Variants in SGCZ observed in about 807,000 individuals in gnomAD.
The protein encoded by SGCZ is sarcoglycan zeta, also known as zeta-sarcoglycan.
In SGCZ, 40 loss-of-function variants were observed where a neutral mutation model predicts 41.3. The ratio of observed to expected loss-of-function variants is 0.97; its 90% CI spans 0.75 to 1.26. The LOEUF (loss-of-function observed/expected upper bound fraction) is 1.26. SGCZ is among the 50% of genes most tolerant of loss of function. The pLI, the probability that SGCZ is intolerant of heterozygous loss-of-function variation, is 0.00. For synonymous variants in SGCZ, 206 were observed against 137.5 expected (o/e 1.50, Z -3.49); for missense variants, 552 against 369.8 (o/e 1.49, Z -4.04).
chr8:14,118,284 A>G (rs1259082650), intron 5 of SGCZ, among the ~76,000 whole-genome samples: 1 of 148,836 alleles, frequency 6.7e-6, no homozygotes, highest in Admixed American at 6.7e-5. Context: ...TTCTAACTGG[A>G]TTGAGGTGGT....
intron 3 of SGCZ, among the ~76,000 whole-genome samples, chr8:14,320,465 A>T (rs1801881695): frequency 6.6e-6 from 1 of 150,786 alleles, no homozygotes; most frequent in Admixed American, 6.6e-5. Flanking sequence ...TACTATTATT[A>T]TTATATTATT....
intron 1 of SGCZ, among the ~76,000 whole-genome samples, chr8:15,172,477 T>C (rs931150229): frequency 6.6e-6 from 1 of 151,918 alleles, no homozygotes; most frequent in Non-Finnish European, 1.5e-5. Context: ...TAATGACTAG[T>C]GAAAAAGAAA....
chr8:14,795,609 T>C (rs117749444), intron 1 of SGCZ, among the ~76,000 whole-genome samples: 1,949 of 152,236 alleles, frequency 0.013, 17 homozygotes, highest in Non-Finnish European at 0.02. Flanking sequence ...ATTTTTTGCG[T>C]GCAAATTAAG....
At chr8:14,921,520 A>C (rs1799587743) in intron 1 of SGCZ, among the ~76,000 whole-genome samples, 1 of 151,404 alleles carries the variant, frequency 6.6e-6, no homozygotes, top group African/African-American at 2.4e-5. Context: ...TTTATTATCT[A>C]TGCTTATTTA....
intron 2 of SGCZ, among the ~76,000 whole-genome samples, chr8:14,342,560 C>T (rs1802747733): frequency 6.6e-6 from 1 of 152,130 alleles, no homozygotes; most frequent in Admixed American, 6.5e-5. Flanking sequence ...GGTGATCCAC[C>T]TGCCTTAGCT....
intron 1 of SGCZ, among the ~76,000 whole-genome samples, chr8:14,615,992 G>T (rs1806087650): frequency 1.3e-5 from 2 of 152,030 alleles, no homozygotes; most frequent in South Asian, 2.1e-4. Flanking sequence ...TTGTAGTATG[G>T]AAAACCCTGG....
At chr8:15,200,872 C>T (rs1359302740) in intron 1 of SGCZ, among the ~76,000 whole-genome samples, 1 of 152,174 alleles carries the variant, frequency 6.6e-6, no homozygotes, top group East Asian at 1.9e-4. Context: ...ATAACACTTG[C>T]ATATCATAGG....
intron 5 of SGCZ, among the ~76,000 whole-genome samples, chr8:14,125,426 C>T (rs1585157335): frequency 6.6e-6 from 1 of 151,650 alleles, no homozygotes; most frequent in Non-Finnish European, 1.5e-5. Context: ...ATGGCGTGAA[C>T]CAGGGAGGCA....
chr8:14,528,716 T>C (rs1320073345), intron 2 of SGCZ, among the ~76,000 whole-genome samples: 3 of 151,790 alleles, frequency 2.0e-5, no homozygotes, highest in Non-Finnish European at 2.9e-5. Context: ...TTGTCCTCCC[T>C]CTCTGCCCTG....
chr8:14,508,643 T>C (rs1437763675), intron 2 of SGCZ, among the ~76,000 whole-genome samples: 2 of 152,126 alleles, frequency 1.3e-5, no homozygotes, highest in Non-Finnish European at 2.9e-5. Flanking sequence ...TGGCATTCCA[T>C]CAAAAATCTG....
At chr8:14,244,747 T>C (rs570279720) in intron 3 of SGCZ, among the ~76,000 whole-genome samples, 7 of 152,190 alleles carry the variant, frequency 4.6e-5, no homozygotes, top group African/African-American at 1.7e-4. Flanking sequence ...CTTCCATTTG[T>C]TTCTATCCTC....
At chr8:14,978,043 C>T (rs749654146) in intron 1 of SGCZ, among the ~76,000 whole-genome samples, 1 of 152,072 alleles carries the variant, frequency 6.6e-6, no homozygotes, top group Non-Finnish European at 1.5e-5. Flanking sequence ...ATATTTATAG[C>T]TCTGAAGTTT....
intron 2 of SGCZ, among the ~76,000 whole-genome samples, chr8:14,514,196 T>C (rs952194868): frequency 6.6e-6 from 1 of 152,068 alleles, no homozygotes; most frequent in Non-Finnish European, 1.5e-5. Context: ...ATAACTCTTC[T>C]GGTGTAGAGC....
chr8:14,219,491 G>A (rs932726088), intron 4 of SGCZ, among the ~76,000 whole-genome samples: 4 of 152,230 alleles, frequency 2.6e-5, no homozygotes, highest in Non-Finnish European at 4.4e-5. Flanking sequence ...GCTCACGCCT[G>A]TAATTCCAGC....
In SGCZ at chr8:14,841,603, C is replaced by A. The variant is rs181016364; in HGVS notation, c.40-286677G>T. ...ATACCAGATGAGTAATTTATTTCGGCGTTAAACTAAGGAATACTTGGAATG... is the reference window on the plus strand; with the variant it reads ...ATACCAGATGAGTAATTTATTTCGGAGTTAAACTAAGGAATACTTGGAATG... On this transcript the variant is annotated intron_variant, in intron 1 of 7. Transcript: ENST00000382080. Among the ~76,000 whole-genome samples, 673 of 152,068 alleles carry A rather than the reference C, an allele frequency of 4.4e-3. 5 individuals carry two copies. The highest frequency in any genetic ancestry group is 0.018 in the South Asian group (87 of 4,824).
At chr8:15,009,370 C>G (rs1465760941) in intron 1 of SGCZ, among the ~76,000 whole-genome samples, 6 of 152,258 alleles carry the variant, frequency 3.9e-5, no homozygotes, top group African/African-American at 1.4e-4. Context: ...CCCCATGACC[C>G]AATCATCTCC....
intron 4 of SGCZ, among the ~76,000 whole-genome samples, chr8:14,213,178 G>A (rs1805874648): frequency 6.6e-6 from 1 of 151,816 alleles, no homozygotes; most frequent in African/African-American, 2.4e-5. Flanking sequence ...TTTCCAACTT[G>A]TGGTAAGACA....
At chr8:15,111,071 A>C (rs1807031802) in intron 1 of SGCZ, among the ~76,000 whole-genome samples, 1 of 152,212 alleles carries the variant, frequency 6.6e-6, no homozygotes, top group Non-Finnish European at 1.5e-5. Context: ...AGAGAACCTA[A>C]GGCCAATTCA....
chr8:14,486,198 A>G (rs559434636), intron 2 of SGCZ, among the ~76,000 whole-genome samples: 2 of 152,294 alleles, frequency 1.3e-5, no homozygotes, highest in East Asian at 3.9e-4. Context: ...TGCCATTTTA[A>G]AGATCAAACT....
Sources: allele counts gnomAD v4.1 joint callset (sites outside exome capture counted in the v4.1 genomes callset), GRCh38; gene constraint gnomAD v4.1.1; transcripts MANE v1.5; gene names NCBI Gene and HGNC (gene_info 2026-07-23, HGNC 2026-07-21).